Variants in CNTN4 observed in about 807,000 individuals in gnomAD.
CNTN4 encodes the protein contactin 4.
Under a neutral mutation model 122.5 loss-of-function variants are expected in CNTN4, and 77 were observed. That is an observed-to-expected ratio of 0.63 (90% CI 0.52 to 0.76). The LOEUF (loss-of-function observed/expected upper bound fraction) is 0.76, where lower values mean the gene tolerates loss of function less well. Ranked by LOEUF, CNTN4 falls within the 30% of genes least tolerant of loss-of-function variation. The pLI is 0.00. For missense variants in CNTN4, 1,256 were observed against 1,259.1 expected, an observed-to-expected ratio of 1.00 and a Z score of 0.04; for synonymous variants, 512 against 447.0, an observed-to-expected ratio of 1.15 and a Z score of -1.83.
chr3:3,010,586 G>C (rs573312100), intron 14 of CNTN4, among the ~76,000 whole-genome samples: 2 of 152,138 alleles, frequency 1.3e-5, no homozygotes, highest in African/African-American at 4.8e-5. Context: ...CACAATGCCT[G>C]ACACATAATT....
At chr3:2,391,768 T>G (rs2046449319) in intron 3 of CNTN4, among the ~76,000 whole-genome samples, 1 of 150,992 alleles carries the variant, frequency 6.6e-6, no homozygotes, top group Non-Finnish European at 1.5e-5. Context: ...CATAAACTTT[T>G]GAGAATCAAA....
In CNTN4 at chr3:2,586,612, T is replaced by A. The variant is rs139988595; in HGVS notation, c.55+15054T>A. Among the ~76,000 whole-genome samples, 31 of 152,298 alleles carry A rather than the reference T, an allele frequency of 2.0e-4. No homozygotes were observed. The East Asian group carries it at 6.0e-3, about 29-fold the overall frequency. On this transcript the variant is annotated intron_variant, in intron 4 of 24. Coordinates refer to ENST00000418658, the MANE Select transcript of CNTN4 (RefSeq NM_175607.3). ...ACCCCTCCACCAACACTCTTCTTTT[T>A]ATAGTCCCTGTGCGGAAACTCAAAC...
chr3:2,973,172 G>T (rs1347058427), intron 13 of CNTN4, among the ~76,000 whole-genome samples: 1 of 152,012 alleles, frequency 6.6e-6, no homozygotes, highest in Non-Finnish European at 1.5e-5. Context: ...GAAAATAGTT[G>T]AGTCTAATTA....
chr3:2,127,787 C>T (rs189647623), intron 2 of CNTN4, among the ~76,000 whole-genome samples: 1 of 152,202 alleles, frequency 6.6e-6, no homozygotes, highest in African/African-American at 2.4e-5. Context: ...AGAAATCTGC[C>T]AGTGTTTAAA....
At chr3:2,687,970 G>A (rs888664813) in intron 4 of CNTN4, among the ~76,000 whole-genome samples, 1 of 152,106 alleles carries the variant, frequency 6.6e-6, no homozygotes, top group Non-Finnish European at 1.5e-5. Context: ...TTCTTCCTAA[G>A]TCTTAGAATC....
chr3:2,360,959 T>C (rs2045109048), intron 3 of CNTN4, among the ~76,000 whole-genome samples: 1 of 152,238 alleles, frequency 6.6e-6, no homozygotes, highest in African/African-American at 2.4e-5. Flanking sequence ...GGATTTCCTC[T>C]AGCGTAATGA....
intron 2 of CNTN4, among the ~76,000 whole-genome samples, chr3:2,332,230 T>C (rs2043760482): frequency 6.6e-6 from 1 of 152,222 alleles, no homozygotes; most frequent in Admixed American, 6.5e-5. Flanking sequence ...TGGTTTTTAA[T>C]GTGTTCCCTG....
chr3:2,411,339 G>A (rs1032957407), intron 3 of CNTN4, among the ~76,000 whole-genome samples: 2 of 152,082 alleles, frequency 1.3e-5, no homozygotes, highest in African/African-American at 4.8e-5. Context: ...TAGAAATTAA[G>A]CTAAAAAGAA....
In CNTN4 at chr3:2,733,823, C is replaced by T. The variant is rs149088680; in HGVS notation, c.56-2392C>T. ...TGCTGGGATTACAGGTGTGAGCCAC[C>T]GCGCCTGGCCATGTCTGCGTACTTT... On this transcript the variant is annotated intron_variant, in intron 4 of 24. Transcript: ENST00000418658. 2.9e-3 allele frequency among the ~76,000 whole-genome samples: 437 copies of T among 151,974 alleles called. 5 individuals carry two copies. Among genetic ancestry groups the T allele is most frequent in the African/African-American group, 0.01 (424 of 41,446 alleles).
At chr3:3,043,843 C>A in intron 23 of CNTN4, 139 bp downstream of exon 23, 1 of 702,142 alleles carries the variant, frequency 1.4e-6, no homozygotes, top group African/African-American at 1.8e-5. Context: ...GCCTCCAACA[C>A]GGTTTGATCT....
chr3:2,434,025 A>G (rs1203528420), intron 3 of CNTN4, among the ~76,000 whole-genome samples: 1 of 152,154 alleles, frequency 6.6e-6, no homozygotes, highest in African/African-American at 2.4e-5. Context: ...GAAAGGGGAA[A>G]TGTTGATCAA....
chr3:2,158,926 G>A (rs1209597845), intron 2 of CNTN4, among the ~76,000 whole-genome samples: 1 of 152,194 alleles, frequency 6.6e-6, no homozygotes, highest in African/African-American at 2.4e-5. Flanking sequence ...CATAGTCAGT[G>A]TAAGCATCGT....
chr3:2,761,788 T>G (rs2090604099), intron 6 of CNTN4, among the ~76,000 whole-genome samples: 3 of 152,248 alleles, frequency 2.0e-5, no homozygotes, highest in South Asian at 4.2e-4. Context: ...CTACATAAAA[T>G]TCAAGGTCAG....
At chr3:2,936,003 G>T (rs893735430) in intron 13 of CNTN4, among the ~76,000 whole-genome samples, 6 of 152,218 alleles carry the variant, frequency 3.9e-5, no homozygotes, top group Non-Finnish European at 8.8e-5. Context: ...TTGAGCAGGA[G>T]GAGATAAAAC....
intron 3 of CNTN4, among the ~76,000 whole-genome samples, chr3:2,375,021 A>C (rs1189131711): frequency 1.3e-5 from 2 of 152,200 alleles, no homozygotes; most frequent in Non-Finnish European, 2.9e-5. Flanking sequence ...ATACTCTTCA[A>C]AAAAATGAAA....
At chr3:2,658,110 C>T (rs769367219) in intron 4 of CNTN4, among the ~76,000 whole-genome samples, 6 of 150,190 alleles carry the variant, frequency 4.0e-5, no homozygotes, top group South Asian at 2.1e-4. Flanking sequence ...ACAGCCAGGT[C>T]GGAGGGGGTA....
chr3:2,419,680 G>C (rs1216205226), intron 3 of CNTN4, among the ~76,000 whole-genome samples: 1 of 152,116 alleles, frequency 6.6e-6, no homozygotes, highest in Non-Finnish European at 1.5e-5. Flanking sequence ...ACATAACATA[G>C]TGTCATGCAG....
chr3:2,445,177 C>G (rs1198296335), intron 3 of CNTN4, among the ~76,000 whole-genome samples: 1 of 152,124 alleles, frequency 6.6e-6, no homozygotes, highest in Non-Finnish European at 1.5e-5. Context: ...GACATCAGCT[C>G]TCCTAAAATG....
intron 6 of CNTN4, among the ~76,000 whole-genome samples, chr3:2,769,057 C>T (rs2090977576): frequency 6.6e-6 from 1 of 152,178 alleles, no homozygotes; most frequent in Non-Finnish European, 1.5e-5. Context: ...AGGTATCTGA[C>T]ATTTGTCTTA....
Sources: allele counts gnomAD v4.1 joint callset (sites outside exome capture counted in the v4.1 genomes callset), GRCh38; gene constraint gnomAD v4.1.1; transcripts MANE v1.5; gene names NCBI Gene and HGNC (gene_info 2026-07-23, HGNC 2026-07-21).